FAXC: variants seen among roughly 807,000 people sequenced by gnomAD.
FAXC encodes the protein failed axon connections homolog, metaxin like GST domain containing, also known as failed axon connections homolog.
Under a neutral mutation model 41.9 loss-of-function variants are expected in FAXC, and 10 were observed. The observed-to-expected ratio is 0.24, with a 90% CI of 0.15 to 0.41. FAXC has a LOEUF of 0.41. FAXC is among the 10% of genes least tolerant of loss of function. The probability of loss-of-function intolerance (pLI) is 1.00; values close to 1 mark genes in which losing one functional copy is unlikely to be tolerated. For synonymous variants in FAXC, 183 were observed against 183.8 expected, an observed-to-expected ratio of 1.00 and a Z score of 0.03; for missense variants, 399 against 510.9, an observed-to-expected ratio of 0.78 and a Z score of 2.11.
chr6:99,339,342 G>A (rs188924943), intron 2 of FAXC, among the ~76,000 whole-genome samples: 73 of 152,342 alleles, frequency 4.8e-4, no homozygotes, highest in African/African-American at 1.7e-3. Flanking sequence ...GGGGATGCCT[G>A]AGGCTCACCT....
chr6:99,343,146 T>C (rs1773482415), intron 1 of FAXC, 113 bp from the exon 2 acceptor site: 1 of 937,354 alleles, frequency 1.1e-6, no homozygotes, highest in Admixed American at 2.8e-5. Flanking sequence ...CAAGCAGATC[T>C]GTTTGTCACA....
rs221542 is a variant in FAXC, at chr6:99,283,201, T to A, written c.941-1748A>T. On this transcript the variant is annotated intron_variant, in intron 5 of 5. Coordinates refer to ENST00000389677, the MANE Select transcript of FAXC (RefSeq NM_032511.4). ...TCTCATTTTGGAAAATTAGAATTAG[T>A]CTGTATAGACAAACTGTACAAATAC... Among the ~76,000 whole-genome samples the A allele has an allele frequency of 6.4e-3, 979 of 152,332 alleles. 8 individuals carry two copies. Among genetic ancestry groups the A allele is most frequent in the African/African-American group, 0.023 (959 of 41,572 alleles).
intron 5 of FAXC, among the ~76,000 whole-genome samples, chr6:99,290,971 C>A (rs1771217760): frequency 6.6e-6 from 1 of 151,740 alleles, no homozygotes; most frequent in Non-Finnish European, 1.5e-5. Context: ...GCCACCATGC[C>A]CAGGTAATTT....
intron 4 of FAXC, among the ~76,000 whole-genome samples, chr6:99,298,381 T>C (rs1771580663): frequency 1.3e-5 from 2 of 152,054 alleles, no homozygotes; most frequent in South Asian, 4.2e-4. Flanking sequence ...TGAAAGCTTT[T>C]TAAAAACACT....
Position 99,283,656 on chromosome 6 carries a change from T to G in FAXC, c.941-2203A>C, listed in dbSNP as rs186959354. On this transcript the variant is annotated intron_variant, in intron 5 of 5. Transcript: ENST00000389677. ...GCATGGAAAACCTTCACTTACTTTC[T>G]CCCTTATGGGGACAGTCATGAAACG... Among the ~76,000 whole-genome samples, 4 of 152,204 alleles carry G rather than the reference T, an allele frequency of 2.6e-5. No homozygotes were observed. In the East Asian group the frequency reaches 7.7e-4, roughly 29 times the overall value.
In FAXC at chr6:99,277,688, G is replaced by A. The variant is rs535989975; in HGVS notation, c.*3476C>T. On this transcript the variant is annotated 3_prime_UTR_variant, in exon 6 of 6. Coordinates refer to ENST00000389677, the MANE Select transcript of FAXC (RefSeq NM_032511.4). ...GAGATGTGCTGGTTGTCTGAACACA[G>A]GGTGACTTCTCAGGTAACATGCATT... 6.6e-6 allele frequency: 1 copy of A among 152,310 alleles called. No homozygotes were observed. The highest frequency in any genetic ancestry group is 1.5e-5 in the Non-Finnish European group (1 of 68,052). The allele number at this position is 152,310 out of a possible 1,614,324, so 9.4% of individuals were successfully genotyped here.
intron 1 of FAXC, 141 bp from the exon 2 acceptor site, chr6:99,343,174 G>GC: frequency 1.5e-6 from 1 of 688,096 alleles, no homozygotes. Flanking sequence ...ACATCACCCA[G>GC]CACCCAGTTT....
chr6:99,292,875 CG>C (rs1373927168), intron 4 of FAXC, among the ~76,000 whole-genome samples: 1 of 152,134 alleles, frequency 6.6e-6, no homozygotes, highest in East Asian at 1.9e-4. Flanking sequence ...GGCATTATCT[CG>C]GCTCACTGCA....
chr6:99,291,348 G>A (rs1438401224), intron 5 of FAXC, among the ~76,000 whole-genome samples: 2 of 152,216 alleles, frequency 1.3e-5, no homozygotes, highest in African/African-American at 4.8e-5. Context: ...GGAAATTAAG[G>A]AAGACCAGCA....
intron 4 of FAXC, among the ~76,000 whole-genome samples, chr6:99,310,702 C>T (rs1190631904): frequency 6.6e-6 from 1 of 152,186 alleles, no homozygotes; most frequent in Non-Finnish European, 1.5e-5. Context: ...ACTTCCATGT[C>T]TTCACTTTTC....
intron 3 of FAXC, among the ~76,000 whole-genome samples, chr6:99,332,584 C>CA (rs1291089974): frequency 1.3e-5 from 2 of 152,018 alleles, no homozygotes; most frequent in South Asian, 2.1e-4. Flanking sequence ...CTCAAGGCTA[C>CA]AAAAAACAGA....
intron 3 of FAXC, 56 bp from the exon 4 acceptor site, chr6:99,323,723 A>G (rs371905276): frequency 7.3e-7 from 1 of 1,366,146 alleles, no homozygotes; most frequent in Non-Finnish European, 1.0e-6. Flanking sequence ...TCAGCTCCAC[A>G]GGGTCACTTT....
chr6:99,317,736 T>C (rs1772418102), intron 4 of FAXC, among the ~76,000 whole-genome samples: 1 of 152,212 alleles, frequency 6.6e-6, no homozygotes, highest in African/African-American at 2.4e-5. Flanking sequence ...TTGTATCTCA[T>C]GGCCACAGCT....
intron 3 of FAXC, among the ~76,000 whole-genome samples, chr6:99,330,049 A>C (rs911278787): frequency 6.6e-6 from 1 of 151,184 alleles, no homozygotes; most frequent in Non-Finnish European, 1.5e-5. Flanking sequence ...TTGTAGAGAG[A>C]GGGTTTTGCC....
chr6:99,301,739 C>G (rs760991052), intron 4 of FAXC, among the ~76,000 whole-genome samples: 3 of 152,120 alleles, frequency 2.0e-5, no homozygotes, highest in African/African-American at 4.8e-5. Context: ...AGATGTAAAA[C>G]CTTTTATCTA....
chr6:99,303,852 A>G (rs1457855191), intron 4 of FAXC, among the ~76,000 whole-genome samples: 1 of 152,224 alleles, frequency 6.6e-6, no homozygotes, highest in Non-Finnish European at 1.5e-5. Flanking sequence ...TTTAAGCTCT[A>G]CCTCTATAAT....
chr6:99,279,218 C>T lies in FAXC; in HGVS notation c.*1946G>A, dbSNP rs553511578. On this transcript the variant is annotated 3_prime_UTR_variant, in exon 6 of 6. Transcript: ENST00000389677. Reference sequence around the variant, plus strand: ...GCTTATCCATTCATATCTTCTCCACCACATTCTTATTAGGCATCAAACAGT... The same window carrying T: ...GCTTATCCATTCATATCTTCTCCACTACATTCTTATTAGGCATCAAACAGT... 1.6e-4 allele frequency: 24 copies of T among 152,274 alleles called. No individual in the cohort carries two copies. The highest frequency in any genetic ancestry group is 3.4e-4 in the Non-Finnish European group (23 of 68,028). 9.4% of individuals were successfully genotyped at this position (152,274 alleles called of 1,614,324 possible). A position where few individuals can be genotyped will look rare whatever the true frequency, so the allele number is the denominator to read the frequency against.
In FAXC at chr6:99,279,802, A is replaced by C. The variant is rs1770760000; in HGVS notation, c.*1362T>G. 6.6e-6 allele frequency: 1 copy of C among 152,224 alleles called. No homozygotes were observed. Among genetic ancestry groups the C allele is most frequent in the South Asian group, 2.1e-4 (1 of 4,830 alleles). The allele number at this position is 152,224 out of a possible 1,614,324, so 9.4% of individuals were successfully genotyped here. A position where few individuals can be genotyped will look rare whatever the true frequency, so the allele number is the denominator to read the frequency against. ...CGGGGATGAGACAGCAAAAACATTAAGACTTGTTCTCAGCATTGCTCTCCT... is the reference window on the plus strand; with the variant it reads ...CGGGGATGAGACAGCAAAAACATTACGACTTGTTCTCAGCATTGCTCTCCT... On this transcript the variant is annotated 3_prime_UTR_variant, in exon 6 of 6. Coordinates refer to ENST00000389677, the MANE Select transcript of FAXC (RefSeq NM_032511.4).
chr6:99,346,291 T>C (rs1470760882), intron 1 of FAXC, among the ~76,000 whole-genome samples: 1 of 152,182 alleles, frequency 6.6e-6, no homozygotes, highest in Non-Finnish European at 1.5e-5. Context: ...CCCTAGACGC[T>C]GCAAGAAAGG....
Sources: gnomAD v4.1 joint callset for allele counts (sites outside exome capture counted in the v4.1 genomes callset) on GRCh38, gnomAD v4.1.1 for gene constraint, MANE v1.5 for transcripts, NCBI Gene and HGNC (gene_info 2026-07-23, HGNC 2026-07-21) for gene names.